Variants in RUNDC3B observed in about 807,000 individuals in gnomAD.
The protein encoded by RUNDC3B is RUN domain-containing protein 3B.
In RUNDC3B, 33 loss-of-function variants were observed where a neutral mutation model predicts 58.4. The ratio of observed to expected loss-of-function variants is 0.56; its 90% confidence interval spans 0.43 to 0.75. The LOEUF (loss-of-function observed/expected upper bound fraction) is 0.75, where lower values mean the gene tolerates loss of function less well. Among genes scored for constraint, RUNDC3B ranks in the 30% least tolerant of loss-of-function variants. The pLI, the probability that RUNDC3B is intolerant of heterozygous loss-of-function variation, is 0.00. For missense variants in RUNDC3B, 501 were observed against 535.7 expected (o/e 0.94, Z 0.64); for synonymous variants, 193 against 195.2 (o/e 0.99, Z 0.10).
intron 2 of RUNDC3B, among the ~76,000 whole-genome samples, chr7:87,666,243 T>C (rs1825235304): frequency 6.6e-6 from 1 of 152,196 alleles, no homozygotes; most frequent in Non-Finnish European, 1.5e-5. Context: ...TGATCAGTGA[T>C]ACTGAGCTTT....
Position 87,725,501 on chromosome 7 carries a change from T to G in RUNDC3B, c.459-14290T>G, listed in dbSNP as rs147514868. ...AATCCAGTCTATCATTGTTGGACAT[T>G]TGGGTTAGTTCCAACTCTTTGCTAT... On this transcript the variant is annotated intron_variant, in intron 4 of 10. Transcript: ENST00000394654. 4.4e-3 allele frequency among the ~76,000 whole-genome samples: 677 copies of G among 152,328 alleles called. 5 individuals carry two copies. The highest frequency in any genetic ancestry group is 0.016 in the African/African-American group (645 of 41,582).
chr7:87,763,012 T>C (rs1833781811), intron 6 of RUNDC3B, among the ~76,000 whole-genome samples: 2 of 151,674 alleles, frequency 1.3e-5, no homozygotes, highest in South Asian at 4.2e-4. Context: ...TCTTTTTATA[T>C]CCTTTATTCT....
intron 6 of RUNDC3B, among the ~76,000 whole-genome samples, chr7:87,759,237 C>T (rs943104266): frequency 6.6e-6 from 1 of 151,982 alleles, no homozygotes; most frequent in Non-Finnish European, 1.5e-5. Flanking sequence ...CATAGAAAGA[C>T]AAATTTCCCA....
intron 2 of RUNDC3B, among the ~76,000 whole-genome samples, chr7:87,667,834 C>G (rs1224359698): frequency 1.3e-5 from 2 of 152,076 alleles, no homozygotes; most frequent in Admixed American, 6.5e-5. Flanking sequence ...GGGGTTGAAG[C>G]CTACTCAATC....
intron 4 of RUNDC3B, among the ~76,000 whole-genome samples, chr7:87,725,341 T>A (rs539627124): frequency 1.3e-5 from 2 of 152,248 alleles, no homozygotes; most frequent in South Asian, 2.1e-4. Flanking sequence ...ACATGCGGTG[T>A]TTGGTTTTAT....
chr7:87,700,509 C>T lies in RUNDC3B; in HGVS notation c.327C>T (p.Ile109=). Residue 109 remains isoleucine, a synonymous_variant, in exon 3 of 11, where the codon ATC becomes ATT. Transcript: ENST00000394654. Reference sequence around the variant, plus strand: ...GCCGGAAAGTTTCACAGAATTGTATCTGCAGCATTGAAAATATGGAAAATG... The same window carrying T: ...GCCGGAAAGTTTCACAGAATTGTATTTGCAGCATTGAAAATATGGAAAATG... ...VACRKVSQNC[I]CSIENMENVS... is the part of the protein sequence containing the mutation. The T allele has an allele frequency of 6.2e-7, 1 of 1,613,298 alleles. No homozygotes were observed. Among genetic ancestry groups the T allele is most frequent in the African/African-American group, 1.3e-5 (1 of 75,042 alleles).
intron 10 of RUNDC3B, 46 bp downstream of exon 10, chr7:87,816,308 A>T: frequency 6.6e-7 from 1 of 1,523,966 alleles, no homozygotes; most frequent in East Asian, 2.3e-5. Flanking sequence ...TTCCTGTACC[A>T]TCTATATTTT....
chr7:87,634,843 G>T (rs1029583690), intron 1 of RUNDC3B, among the ~76,000 whole-genome samples: 1 of 152,056 alleles, frequency 6.6e-6, no homozygotes, highest in Non-Finnish European at 1.5e-5. Flanking sequence ...TTGGAAGCAG[G>T]TTCAGTATTA....
chr7:87,718,104 A>G (rs534775740), intron 4 of RUNDC3B, among the ~76,000 whole-genome samples: 2 of 152,282 alleles, frequency 1.3e-5, no homozygotes, highest in Admixed American at 1.3e-4. Flanking sequence ...AGTCTTATTC[A>G]TGGCTATCAT....
At chr7:87,698,808 C>G (rs1828744815) in intron 2 of RUNDC3B, among the ~76,000 whole-genome samples, 1 of 152,154 alleles carries the variant, frequency 6.6e-6, no homozygotes, top group African/African-American at 2.4e-5. Context: ...GAAGTAAGCA[C>G]AGGGTCCTGT....
In RUNDC3B at chr7:87,650,886, T is replaced by C. The variant is rs1823506821; in HGVS notation, c.187T>C (p.Phe63Leu). The change falls in exon 2 of 11, where the codon TTT becomes CTT. Residue 63 changes from phenylalanine (F) to leucine (L), a missense_variant. Transcript: ENST00000394654. ...FETIDDSSPE[F>L]NNFAAILEQI... ...GACAATTGATGATTCTTCTCCTGAA[T>C]TTAACAATTTTGCAGCTATTTTGGA... The C allele has an allele frequency of 6.2e-7, 1 of 1,613,250 alleles. No individual in the cohort carries two copies. Among genetic ancestry groups the C allele is most frequent in the Non-Finnish European group, 8.5e-7 (1 of 1,179,402 alleles).
chr7:87,637,293 C>A (rs1439886794), intron 1 of RUNDC3B, among the ~76,000 whole-genome samples: 1 of 152,142 alleles, frequency 6.6e-6, no homozygotes, highest in Non-Finnish European at 1.5e-5. Context: ...TTTGTCTCTC[C>A]TGAGCTAATA....
At chr7:87,736,919 A>G (rs1832018999) in intron 4 of RUNDC3B, among the ~76,000 whole-genome samples, 1 of 74,100 alleles carries the variant, frequency 1.3e-5, no homozygotes, top group Non-Finnish European at 2.5e-5. Context: ...TTTTTTTGAG[A>G]AAGGGTTTTG....
Position 87,703,366 on chromosome 7 carries a change from G to A in RUNDC3B, c.372+2812G>A, listed in dbSNP as rs542444062. On this transcript the variant is annotated intron_variant, in intron 3 of 10. Transcript: ENST00000394654. ...TGTTTTAAAAACCAAAATCTATAAT[G>A]TTTAAATGTAGTGACATAATTAGAA... Among the ~76,000 whole-genome samples the A allele has an allele frequency of 5.3e-5, 8 of 152,030 alleles. No homozygotes were observed. In the South Asian group the frequency reaches 1.7e-3, roughly 32 times the overall value.
At chr7:87,748,128 G>A (rs1195096533) in intron 6 of RUNDC3B, among the ~76,000 whole-genome samples, 1 of 152,132 alleles carries the variant, frequency 6.6e-6, no homozygotes, top group East Asian at 1.9e-4. Context: ...TGGCCTTCTT[G>A]GGCACCCAGC....
At position 87,807,379 on chromosome 7, in the gene RUNDC3B, G is replaced by T; in HGVS notation, c.963G>T (p.Val321=). Residue 321 remains valine, a synonymous_variant, in exon 9 of 11, where the codon GTG becomes GTT. Transcript: ENST00000394654. ...ACCATCTTAATATTCACAGGACTGTGCTAAAGAATAATGATTTAAGATCGA... is the reference window on the plus strand; with the variant it reads ...ACCATCTTAATATTCACAGGACTGTTCTAAAGAATAATGATTTAAGATCGA... ...IIVELQDQLT[V]LKNNDLRSRQ... 1 of 1,613,594 alleles carries T rather than the reference G, an allele frequency of 6.2e-7. No homozygotes were observed. The highest frequency in any genetic ancestry group is 8.5e-7 in the Non-Finnish European group (1 of 1,179,634).
intron 3 of RUNDC3B, among the ~76,000 whole-genome samples, chr7:87,707,324 A>C (rs919456870): frequency 1.3e-5 from 2 of 152,184 alleles, no homozygotes; most frequent in African/African-American, 4.8e-5. Context: ...AAGAAAATGG[A>C]AATAAATATG....
chr7:87,693,963 T>C (rs1329684268), intron 2 of RUNDC3B: 1 of 1,611,828 alleles, frequency 6.2e-7, no homozygotes, highest in African/African-American at 1.3e-5. Flanking sequence ...TTCAAGGTAC[T>C]CTATGCTGGT....
chr7:87,689,152 T>G (rs180794930), intron 2 of RUNDC3B, among the ~76,000 whole-genome samples: 1 of 152,178 alleles, frequency 6.6e-6, no homozygotes, highest in Admixed American at 6.5e-5. Context: ...TTAAATAAAT[T>G]CTATTATTGA....
Sources: allele counts gnomAD v4.1 joint callset (sites outside exome capture counted in the v4.1 genomes callset), GRCh38; gene constraint gnomAD v4.1.1; transcripts MANE v1.5; gene names NCBI Gene and HGNC (gene_info 2026-07-23, HGNC 2026-07-21).